Variants in MRPS26 observed in about 807,000 individuals in gnomAD.
MRPS26 encodes the protein mitochondrial ribosomal protein S26.
In MRPS26, 26 loss-of-function variants were observed where a neutral mutation model predicts 22.7. The observed-to-expected ratio is 1.15, with a 90% confidence interval of 0.84 to 1.59. MRPS26 has a LOEUF of 1.59. MRPS26 is among the 40% of genes most tolerant of loss of function. MRPS26 has a pLI of 0.00. For synonymous variants in MRPS26, 120 were observed against 124.0 expected (o/e 0.97, Z 0.22); for missense variants, 291 against 287.7 (o/e 1.01, Z -0.08).
intron 3 of MRPS26, 39 bp downstream of exon 3, chr20:3,046,776 A>T (rs1420235604): frequency 2.0e-6 from 3 of 1,525,908 alleles, no homozygotes; most frequent in Non-Finnish European, 2.6e-6. Context: ...CCAGCCGGGG[A>T]CGCGGCTTGC....
intron 3 of MRPS26, 64 bp from the exon 4 acceptor site, chr20:3,047,671 G>C (rs966249242): frequency 5.6e-6 from 9 of 1,602,450 alleles, no homozygotes; most frequent in Non-Finnish European, 7.7e-6. Flanking sequence ...AGGCCAGCAG[G>C]CTGGGTGGGC....
At position 3,046,210 on chromosome 20, in the gene MRPS26, G is replaced by A. The variant is rs780474463; in HGVS notation, c.142G>A (p.Val48Met). 2.5e-6 allele frequency: 4 copies of A among 1,603,140 alleles called. No homozygotes were observed. Among genetic ancestry groups the A allele is most frequent in the Non-Finnish European group, 2.5e-6 (3 of 1,179,620 alleles). The change falls in exon 1 of 4, where the codon GTG becomes ATG. Residue 48 changes from valine to methionine, a missense_variant. Coordinates refer to ENST00000380325, the MANE Select transcript of MRPS26 (RefSeq NM_030811.4). ...CGAGCGAGTGAACATGCCGCCCGCG[G>A]TGGACCCTGCGGAGTTCTTCGTGCT... The part of the protein sequence containing the change: ...KIERVNMPPA[V>M]DPAEFFVLME...
intron 3 of MRPS26, 71 bp from the exon 4 acceptor site, chr20:3,047,664 C>T (rs1341329927): frequency 3.4e-5 from 54 of 1,598,350 alleles, no homozygotes; most frequent in Non-Finnish European, 2.6e-5. Flanking sequence ...GGGTGAGAGG[C>T]CAGCAGGCTG....
Position 3,046,632 on chromosome 20 carries a change from G to T in MRPS26, c.378G>T (p.Gln126His). ...LHELRIARLRQEEREQEQRQA... is the reference protein window; with the variant it reads ...LHELRIARLRHEEREQEQRQA... ...CTCACAGGATAGCGAGGCTGCGGCAGGAGGAGCGGGAGCAGGAGCAGCGGC... is the reference window on the plus strand; with the variant it reads ...CTCACAGGATAGCGAGGCTGCGGCATGAGGAGCGGGAGCAGGAGCAGCGGC... The change falls in exon 3 of 4, where the codon CAG becomes CAT. Residue 126 changes from glutamine to histidine, a missense_variant. Physicochemically the swap from Gln to His is conservative, Grantham distance 24. Coordinates refer to ENST00000380325, the MANE Select transcript of MRPS26 (RefSeq NM_030811.4). 1 of 1,540,074 alleles carries T rather than the reference G, an allele frequency of 6.5e-7. No homozygotes were observed.
Position 3,047,978 on chromosome 20 carries a change from C to T in MRPS26, c.*109C>T. On this transcript the variant is annotated 3_prime_UTR_variant, in exon 4 of 4. Transcript: ENST00000380325. ...GTGTTGCTTATGAGGAAGGTTCAGC[C>T]TTATCCAGCACAGCCTTCACGTTTT... 1 of 1,348,828 alleles carries T rather than the reference C, an allele frequency of 7.4e-7. No homozygotes were observed. Among genetic ancestry groups the T allele is most frequent in the Non-Finnish European group, 9.8e-7 (1 of 1,015,582 alleles). The allele number at this position is 1,348,828 out of a possible 1,614,324, so 83.6% of individuals were successfully genotyped here. A position where few individuals can be genotyped will look rare whatever the true frequency, so the allele number is the denominator to read the frequency against.
At position 3,047,933 on chromosome 20, in the gene MRPS26, G is replaced by A; in HGVS notation, c.*64G>A. 6.5e-7 allele frequency: 1 copy of A among 1,529,124 alleles called. No homozygotes were observed. 94.7% of individuals were successfully genotyped at this position (1,529,124 alleles called of 1,614,324 possible). A position where few individuals can be genotyped will look rare whatever the true frequency, so the allele number is the denominator to read the frequency against. The stretch of plus-strand genomic sequence containing the variant: ...GTATCATGGCGGAAGAGTTGGCCCT[G>A]ACCTGGAATAAAGCAGTTGGTGTTG... On this transcript the variant is annotated 3_prime_UTR_variant, in exon 4 of 4. Coordinates refer to ENST00000380325, the MANE Select transcript of MRPS26 (RefSeq NM_030811.4).
In MRPS26 at chr20:3,048,037, C is replaced by A. The variant is rs969768696; in HGVS notation, c.*168C>A. 6 of 742,494 alleles carry A rather than the reference C, an allele frequency of 8.1e-6. No homozygotes were observed. Among genetic ancestry groups the A allele is most frequent in the African/African-American group, 3.6e-5 (2 of 55,138 alleles). The allele number at this position is 742,494 out of a possible 1,614,324, so 46.0% of individuals were successfully genotyped here. A position where few individuals can be genotyped will look rare whatever the true frequency, so the allele number is the denominator to read the frequency against. ...CTGTCACCACTTGGTCAGAAACTTCCAAACGCAGTGCCCTGTTCTGCCGGT... is the reference window on the plus strand; with the variant it reads ...CTGTCACCACTTGGTCAGAAACTTCAAAACGCAGTGCCCTGTTCTGCCGGT... On this transcript the variant is annotated 3_prime_UTR_variant, in exon 4 of 4. Coordinates refer to ENST00000380325, the MANE Select transcript of MRPS26 (RefSeq NM_030811.4). The surrounding 1 kb of genome is among the most constrained non-coding windows in gnomAD (Gnocchi z 4.1).
chr20:3,046,293 G>C lies in MRPS26; in HGVS notation c.212+13G>C, dbSNP rs2065987721. On this transcript the variant is annotated intron_variant, in intron 1 of 3. Coordinates refer to ENST00000380325, the MANE Select transcript of MRPS26 (RefSeq NM_030811.4). ...TGCGCGCCCTCAGGTGTGCGGCCGGGGGGAGGTGGCCGCCCGCGCGCGCTG... is the reference window on the plus strand; with the variant it reads ...TGCGCGCCCTCAGGTGTGCGGCCGGCGGGAGGTGGCCGCCCGCGCGCGCTG... 5 of 1,605,004 alleles carry C rather than the reference G, an allele frequency of 3.1e-6. No individual in the cohort carries two copies. The East Asian group carries it at 1.1e-4, about 36-fold the overall frequency.
At position 3,046,290 on chromosome 20, in the gene MRPS26, C is replaced by G; in HGVS notation, c.212+10C>G. 6.2e-7 allele frequency: 1 copy of G among 1,604,766 alleles called. No individual in the cohort carries two copies. Among genetic ancestry groups the G allele is most frequent in the Non-Finnish European group, 8.5e-7 (1 of 1,177,710 alleles). The stretch of plus-strand genomic sequence containing the variant: ...CCGTGCGCGCCCTCAGGTGTGCGGC[C>G]GGGGGGAGGTGGCCGCCCGCGCGCG... On this transcript the variant is annotated intron_variant, in intron 1 of 3. Transcript: ENST00000380325.
chr20:3,046,512 G>T lies in MRPS26; in HGVS notation c.352G>T (p.Glu118Ter). The change falls in exon 2 of 4, where the codon GAG becomes TAG. Residue 118 changes from glutamate (E) to a stop codon, truncating the protein, a stop_gained. Transcript: ENST00000380325. LOFTEE classifies it high-confidence loss of function. ...CCAGGCGGAGAACCGGCGGCTGCAC[G>T]AGCTGCGGTGCGTGGGGCGGGAGGC... ...WNQAENRRLH[E>*]LRIARLRQEE... The T allele has an allele frequency of 6.5e-7, 1 of 1,549,084 alleles. No homozygotes were observed. The highest frequency in any genetic ancestry group is 8.7e-7 in the Non-Finnish European group (1 of 1,153,048).
Position 3,046,448 on chromosome 20 carries a change from GA to G in MRPS26, c.290del (p.Lys97ArgfsTer9). The G allele has an allele frequency of 6.3e-7, 1 of 1,599,140 alleles. No homozygotes were observed. The highest frequency in any genetic ancestry group is 8.5e-7 in the Non-Finnish European group (1 of 1,176,026). ...AGVLAERKAL[K>X]DAAEHRELMA... ...GGGTTCTGGCGGAGCGCAAGGCCCT[GA>G]AGGACGCCGCCGAGCACCGCGAGCT... On this transcript the variant is annotated frameshift_variant, in exon 2 of 4. Transcript: ENST00000380325. LOFTEE classifies it high-confidence loss of function.
chr20:3,046,154 C>T lies in MRPS26; in HGVS notation c.86C>T (p.Thr29Ile), dbSNP rs747787517. 3.1e-6 allele frequency: 5 copies of T among 1,596,866 alleles called. No individual in the cohort carries two copies. The highest frequency in any genetic ancestry group is 4.2e-6 in the Non-Finnish European group (5 of 1,178,946). ...PLVLPARGRK[T>I]RHDPLAKSKI... The stretch of plus-strand genomic sequence containing the variant: ...GTGCTGCCAGCGCGCGGCCGCAAGA[C>T]CCGCCACGACCCGCTGGCCAAATCC... Residue 29 changes from threonine (T) to isoleucine (I), a missense_variant, in exon 1 of 4, where the codon ACC becomes ATC. By Grantham distance (89) the Thr-to-Ile change is moderately conservative. Coordinates refer to ENST00000380325, the MANE Select transcript of MRPS26 (RefSeq NM_030811.4).
At chr20:3,047,619 C>A in intron 3 of MRPS26, 116 bp from the exon 4 acceptor site, 1 of 1,427,178 alleles carries the variant, frequency 7.0e-7, no homozygotes, top group Non-Finnish European at 9.6e-7. Context: ...TCCAGGCATG[C>A]TTCCCCAGGG....
rs1256626548 is a variant in MRPS26, at chr20:3,046,077, C to T, written c.9C>T (p.Arg3=). ML[R]ALSRLGAGTP... is the part of the protein sequence containing the mutation. ...AGTGAGGAGACTCGGCCATGCTACG[C>T]GCGCTGAGCCGCCTGGGCGCGGGGA... The change falls in exon 1 of 4, where the codon CGC becomes CGT. Residue 3 remains arginine (R), a synonymous_variant. Transcript: ENST00000380325. The T allele has an allele frequency of 2.0e-6, 3 of 1,514,412 alleles. No individual in the cohort carries two copies. Among genetic ancestry groups the T allele is most frequent in the Non-Finnish European group, 1.8e-6 (2 of 1,139,794 alleles). 93.8% of individuals were successfully genotyped at this position (1,514,412 alleles called of 1,614,324 possible).
In MRPS26 at chr20:3,046,119, G is replaced by A; in HGVS notation, c.51G>A (p.Arg17=). 1 of 1,578,682 alleles carries A rather than the reference G, an allele frequency of 6.3e-7. No individual in the cohort carries two copies. Among genetic ancestry groups the A allele is most frequent in the South Asian group, 1.1e-5 (1 of 88,628 alleles). ...RLGAGTPCRP[R]APLVLPARGR... is the part of the protein sequence containing the mutation. ...GCGCGGGGACCCCGTGCAGGCCCCG[G>A]GCCCCTCTGGTGCTGCCAGCGCGCG... The change falls in exon 1 of 4, where the codon CGG becomes CGA. Residue 17 remains arginine (R), a synonymous_variant. Transcript: ENST00000380325.
At position 3,047,906 on chromosome 20, in the gene MRPS26, A is replaced by G; in HGVS notation, c.*37A>G. ...GGACAGTGCCCGCCAGGGACCATGTATGTATCATGGCGGAAGAGTTGGCCC... is the reference window on the plus strand; with the variant it reads ...GGACAGTGCCCGCCAGGGACCATGTGTGTATCATGGCGGAAGAGTTGGCCC... On this transcript the variant is annotated 3_prime_UTR_variant, in exon 4 of 4. Coordinates refer to ENST00000380325, the MANE Select transcript of MRPS26 (RefSeq NM_030811.4). The G allele has an allele frequency of 2.6e-6, 4 of 1,567,470 alleles. No individual in the cohort carries two copies. Among genetic ancestry groups the G allele is most frequent in the Non-Finnish European group, 3.4e-6 (4 of 1,163,278 alleles).
At position 3,046,103 on chromosome 20, in the gene MRPS26, C is replaced by T. The variant is rs1285864879; in HGVS notation, c.35C>T (p.Thr12Ile). Reference sequence around the variant, plus strand: ...GCGCTGAGCCGCCTGGGCGCGGGGACCCCGTGCAGGCCCCGGGCCCCTCTG... The same window carrying T: ...GCGCTGAGCCGCCTGGGCGCGGGGATCCCGTGCAGGCCCCGGGCCCCTCTG... ...LRALSRLGAG[T>I]PCRPRAPLVL... Residue 12 changes from threonine to isoleucine, a missense_variant, in exon 1 of 4, where the codon ACC (threonine) becomes ATC (isoleucine). Thr to Ile is a moderately conservative substitution (Grantham distance 89). Transcript: ENST00000380325. 6 of 1,554,520 alleles carry T rather than the reference C, an allele frequency of 3.9e-6. No homozygotes were observed. The East Asian group carries it at 1.2e-4, about 31-fold the overall frequency.
At position 3,046,412 on chromosome 20, in the gene MRPS26, G is replaced by A. The variant is rs769649947; in HGVS notation, c.252G>A (p.Glu84=). The change falls in exon 2 of 4, where the codon GAG becomes GAA. Residue 84 remains glutamate (E), a synonymous_variant. Coordinates refer to ENST00000380325, the MANE Select transcript of MRPS26 (RefSeq NM_030811.4). ...FVSEVQRKVH[E]ARAGVLAERK... ...CCGAGGTGCAGAGGAAGGTGCACGA[G>A]GCCCGAGCCGGGGTTCTGGCGGAGC... 26 of 1,607,032 alleles carry A rather than the reference G, an allele frequency of 1.6e-5. 1 individual carries two copies. In the South Asian group the frequency reaches 2.8e-4, roughly 17 times the overall value.
At chr20:3,046,561 C>G (rs770047614) in intron 2 of MRPS26, 42 bp downstream of exon 2, 1 of 1,516,590 alleles carries the variant, frequency 6.6e-7, no homozygotes. Flanking sequence ...GCGGCCTGGC[C>G]GGCCTGGGAG....
Sources: gnomAD v4.1 joint callset for allele counts on GRCh38, gnomAD v4.1.1 for gene constraint, Gnocchi (gnomAD v3.1) non-coding constraint, MANE v1.5 for transcripts, NCBI Gene and HGNC (gene_info 2026-07-23, HGNC 2026-07-21) for gene names.